The following SESN1 variants were observed in gnomAD, a reference collection of about 807,000 sequenced individuals.
The protein encoded by SESN1 is sestrin 1.
Under a neutral mutation model 59.3 loss-of-function variants are expected in SESN1, and 30 were observed. That is an observed-to-expected ratio of 0.51 (90% CI 0.38 to 0.69). The LOEUF (loss-of-function observed/expected upper bound fraction) is 0.69, where lower values mean the gene tolerates loss of function less well. Among genes scored for constraint, SESN1 ranks in the 30% least tolerant of loss-of-function variants. SESN1 has a pLI of 0.00. For missense variants in SESN1, 566 were observed against 673.0 expected (o/e 0.84, Z 1.76); for synonymous variants, 197 against 219.9 (o/e 0.90, Z 0.92).
chr6:108,991,181 C>G (rs1407698047), intron 7 of SESN1, among the ~76,000 whole-genome samples: 1 of 152,126 alleles, frequency 6.6e-6, no homozygotes, highest in Non-Finnish European at 1.5e-5. Context: ...TGGGAGTCCC[C>G]TCTCCTTTTC....
At chr6:109,057,873 C>A (rs1780662446) in intron 1 of SESN1, among the ~76,000 whole-genome samples, 1 of 152,154 alleles carries the variant, frequency 6.6e-6, no homozygotes, top group South Asian at 2.1e-4. Context: ...AAATGAGTTT[C>A]TCTTGATGAT....
chr6:109,043,383 AAAC>A (rs1246132256), intron 1 of SESN1, among the ~76,000 whole-genome samples: 7 of 152,268 alleles, frequency 4.6e-5, no homozygotes, highest in African/African-American at 1.2e-4. Flanking sequence ...TACAGATAAA[AAAC>A]AACAACAACA....
At chr6:109,052,807 G>A (rs1018716841) in intron 1 of SESN1, among the ~76,000 whole-genome samples, 1 of 151,858 alleles carries the variant, frequency 6.6e-6, no homozygotes, top group African/African-American at 2.4e-5. Flanking sequence ...TATTCCTTTA[G>A]TTCATTCATT....
chr6:108,998,706 T>C lies in SESN1; in HGVS notation c.779A>G (p.His260Arg), dbSNP rs1234180002. The change falls in exon 5 of 10, where the codon CAT (histidine) becomes CGT (arginine). Residue 260 changes from histidine to arginine, a missense_variant. Transcript: ENST00000436639. ...EHSWSLAELV[H>R]AVVLLTHYHS... Reference sequence around the variant, plus strand: ...ATAGTGTGTGAGTAAAACTACTGCATGTACCAATTCCGCAAGGGACCAGCT... The same window carrying C: ...ATAGTGTGTGAGTAAAACTACTGCACGTACCAATTCCGCAAGGGACCAGCT... 1 of 1,613,780 alleles carries C rather than the reference T, an allele frequency of 6.2e-7. No individual in the cohort carries two copies. Among genetic ancestry groups the C allele is most frequent in the South Asian group, 1.1e-5 (1 of 91,082 alleles).
chr6:109,091,713 T>C (rs1781320454), intron 1 of SESN1, among the ~76,000 whole-genome samples: 1 of 152,250 alleles, frequency 6.6e-6, no homozygotes, highest in Admixed American at 6.5e-5. Flanking sequence ...TTCTTTATGG[T>C]CTGTTTCCCT....
intron 1 of SESN1, among the ~76,000 whole-genome samples, chr6:109,042,797 C>A (rs1780363491): frequency 6.6e-6 from 1 of 151,896 alleles, no homozygotes; most frequent in African/African-American, 2.4e-5. Context: ...GAATTAACTC[C>A]AATTTTACAT....
intron 1 of SESN1, among the ~76,000 whole-genome samples, chr6:109,069,821 G>A (rs1237796762): frequency 6.6e-6 from 1 of 152,074 alleles, no homozygotes; most frequent in Admixed American, 6.6e-5. Flanking sequence ...GCCTTCTAAA[G>A]TGCTGGGATT....
At chr6:109,039,240 C>T (rs779850991) in intron 1 of SESN1, among the ~76,000 whole-genome samples, 1 of 152,002 alleles carries the variant, frequency 6.6e-6, no homozygotes, top group Non-Finnish European at 1.5e-5. Flanking sequence ...TAGGGAAGAC[C>T]ATGACCAAAG....
intron 1 of SESN1, among the ~76,000 whole-genome samples, chr6:109,080,129 G>A (rs1302611067): frequency 6.6e-6 from 1 of 152,082 alleles, no homozygotes; most frequent in African/African-American, 2.4e-5. Context: ...TATAAAACCA[G>A]TACTTTTCCA....
At chr6:109,031,739 A>C (rs1175871886) in intron 1 of SESN1, among the ~76,000 whole-genome samples, 1 of 152,234 alleles carries the variant, frequency 6.6e-6, no homozygotes, top group Non-Finnish European at 1.5e-5. Flanking sequence ...CCCTTGGTAC[A>C]TAATGGGTGA....
intron 1 of SESN1, among the ~76,000 whole-genome samples, chr6:109,029,427 G>A (rs1319490813): frequency 6.6e-6 from 1 of 152,192 alleles, no homozygotes; most frequent in African/African-American, 2.4e-5. Context: ...TTTTTCTTGA[G>A]TGTAAATTAT....
intron 1 of SESN1, among the ~76,000 whole-genome samples, chr6:109,090,096 G>C (rs1473714220): frequency 6.6e-6 from 1 of 152,156 alleles, no homozygotes; most frequent in Non-Finnish European, 1.5e-5. Flanking sequence ...CATTAACTGA[G>C]CATTTCTTTT....
chr6:109,028,465 G>GAC (rs1562463441), intron 1 of SESN1, among the ~76,000 whole-genome samples: 65 of 152,072 alleles, frequency 4.3e-4, no homozygotes, highest in African/African-American at 1.5e-3. Flanking sequence ...TGGTACATTT[G>GAC]CATGTATGTA....
chr6:109,000,753 A>G (rs768041915), intron 3 of SESN1, 80 bp from the exon 4 acceptor site: 15 of 1,146,284 alleles, frequency 1.3e-5, no homozygotes, highest in Non-Finnish European at 1.4e-5. Flanking sequence ...CATGCAAAAG[A>G]GCTAATTAAG....
rs1393341285 is a variant in SESN1 at position 108,986,660 on chromosome 6, A to T, written c.*884T>A. On this transcript the variant is annotated 3_prime_UTR_variant, in exon 10 of 10. Transcript: ENST00000436639. ...CTGCACAGCCTTTAAAGTGGGGACCAGGAGGCAGGCAGAGGCAGAGAGACT... is the reference window on the plus strand; with the variant it reads ...CTGCACAGCCTTTAAAGTGGGGACCTGGAGGCAGGCAGAGGCAGAGAGACT... 1 of 152,516 alleles carries T rather than the reference A, an allele frequency of 6.6e-6. No individual in the cohort carries two copies. Among genetic ancestry groups the T allele is most frequent in the Non-Finnish European group, 1.5e-5 (1 of 68,058 alleles). The allele number at this position is 152,516 out of a possible 1,614,324, so 9.4% of individuals were successfully genotyped here.
At chr6:108,988,837 G>T in intron 8 of SESN1, 150 bp from the exon 9 acceptor site, 1 of 585,176 alleles carries the variant, frequency 1.7e-6, no homozygotes, top group Non-Finnish European at 2.9e-6. Context: ...TATAACTGCA[G>T]ATGAATAAGT....
chr6:108,994,484 C>T lies in SESN1; in HGVS notation c.1098G>A (p.Glu366=), dbSNP rs1424585675. The T allele has an allele frequency of 1.2e-6, 2 of 1,612,616 alleles. No individual in the cohort carries two copies. The highest frequency in any genetic ancestry group is 3.3e-5 in the Admixed American group (2 of 59,980). The change falls in exon 6 of 10, where the codon GAG becomes GAA. Residue 366 remains glutamate, a synonymous_variant. Coordinates refer to ENST00000436639, the MANE Select transcript of SESN1 (RefSeq NM_014454.3). ...MASRFEIEKR[E]SMFVFSSDDE... The stretch of plus-strand genomic sequence containing the variant: ...TACCTGAAGAGAAGACAAACATACT[C>T]TCTCTTTTTTCTATTTCAAAACGTG...
At chr6:109,071,156 C>T (rs1481367661) in intron 1 of SESN1, among the ~76,000 whole-genome samples, 1 of 151,990 alleles carries the variant, frequency 6.6e-6, no homozygotes, top group East Asian at 1.9e-4. Flanking sequence ...CTAGAGGGTC[C>T]AGCAATGAAC....
intron 1 of SESN1, among the ~76,000 whole-genome samples, chr6:109,087,523 G>C (rs566374062): frequency 6.6e-6 from 1 of 152,220 alleles, no homozygotes; most frequent in East Asian, 1.9e-4. Context: ...GAGGGAAAGG[G>C]ACCGAGTTCA....
Sources: gnomAD v4.1 joint callset for allele counts (sites outside exome capture counted in the v4.1 genomes callset) on GRCh38, gnomAD v4.1.1 for gene constraint, MANE v1.5 for transcripts, NCBI Gene and HGNC (gene_info 2026-07-23, HGNC 2026-07-21) for gene names.